ADGRL2: variants seen among roughly 807,000 people sequenced by gnomAD.
ADGRL2 encodes calcium-independent alpha-latrotoxin receptor 2.
ADGRL2 carries 44 observed loss-of-function variants against 157.4 expected under a neutral mutation model. The observed-to-expected ratio is 0.28, with a 90% CI of 0.22 to 0.36. ADGRL2 has a LOEUF of 0.36. ADGRL2 is among the 10% of genes least tolerant of loss of function. The probability of loss-of-function intolerance (pLI) is 1.00; values close to 1 mark genes in which losing one functional copy is unlikely to be tolerated. For missense variants in ADGRL2, 1,510 were observed against 1,768.9 expected, an observed-to-expected ratio of 0.85 and a Z score of 2.63; for synonymous variants, 585 against 624.7, an observed-to-expected ratio of 0.94 and a Z score of 0.95.
intron 16 of ADGRL2, among the ~76,000 whole-genome samples, chr1:81,971,605 C>T (rs1658767750): frequency 2.0e-5 from 3 of 152,106 alleles, no homozygotes; most frequent in Non-Finnish European, 2.9e-5. Flanking sequence ...TTATTGTCTT[C>T]CCCATACAAG....
intron 2 of ADGRL2, among the ~76,000 whole-genome samples, chr1:81,490,584 C>T (rs1185887740): frequency 6.6e-6 from 1 of 152,160 alleles, no homozygotes; most frequent in Non-Finnish European, 1.5e-5. Context: ...AGAAACTGCA[C>T]ATTAAAACTA....
chr1:81,655,129 GC>G (rs1424247297), intron 3 of ADGRL2, among the ~76,000 whole-genome samples: 1 of 152,128 alleles, frequency 6.6e-6, no homozygotes, highest in Non-Finnish European at 1.5e-5. Flanking sequence ...CTTCCAAGTG[GC>G]CAGGACTACG....
chr1:81,759,332 A>G (rs955935130), intron 1 of ADGRL2, among the ~76,000 whole-genome samples: 6 of 152,172 alleles, frequency 3.9e-5, no homozygotes, highest in Non-Finnish European at 7.4e-5. Flanking sequence ...CCAGAGAACT[A>G]TCACAACTTC....
At position 81,427,946 on chromosome 1, in the gene ADGRL2, C is replaced by T. The variant is rs80097710; in HGVS notation, c.-301-17090C>T. Among the ~76,000 whole-genome samples the T allele has an allele frequency of 5.7e-3, 865 of 151,960 alleles. 8 individuals are homozygous for T. Among genetic ancestry groups the T allele is most frequent in the East Asian group, 0.045 (231 of 5,144 alleles). On this transcript the variant is annotated intron_variant, in intron 1 of 24. Transcript: ENST00000370721. The stretch of plus-strand genomic sequence containing the variant: ...ATCAGGTATATTGCCCTGTAAATTG[C>T]GGTGGTGGTAACAGGAATAAAAAAT...
intron 2 of ADGRL2, among the ~76,000 whole-genome samples, chr1:81,501,114 AGGG>A (rs1256146407): frequency 4.6e-5 from 7 of 152,224 alleles, no homozygotes; most frequent in Non-Finnish European, 8.8e-5. Flanking sequence ...GCTAACTCGC[AGGG>A]GCAAAATTAC....
intron 1 of ADGRL2, among the ~76,000 whole-genome samples, chr1:81,400,880 G>A (rs2076741071): frequency 6.6e-6 from 1 of 152,134 alleles, no homozygotes; most frequent in Admixed American, 6.5e-5. Flanking sequence ...TCTTAGCTCA[G>A]CCAGGGCTCT....
At position 81,899,461 on chromosome 1, in the gene ADGRL2, C is replaced by T. The variant is rs142380614; in HGVS notation, c.74-7556C>T. On this transcript the variant is annotated intron_variant, in intron 2 of 23. Transcript: ENST00000686636. ...ATTTATTCCGATCAGTAGCCTAAAG[C>T]AGAGAGAGTTATATCTTGACATTTT... 2.9e-3 allele frequency among the ~76,000 whole-genome samples: 438 copies of T among 152,170 alleles called. 2 individuals are homozygous for T. The highest frequency in any genetic ancestry group is 9.9e-3 in the African/African-American group (412 of 41,506).
At chr1:81,639,884 A>C (rs1020080105) in intron 3 of ADGRL2, among the ~76,000 whole-genome samples, 1 of 152,174 alleles carries the variant, frequency 6.6e-6, no homozygotes, top group African/African-American at 2.4e-5. Flanking sequence ...TACTAACTAA[A>C]TAAGGAGGAA....
At chr1:81,802,225 C>A (rs577123249) in intron 1 of ADGRL2, among the ~76,000 whole-genome samples, 1 of 152,132 alleles carries the variant, frequency 6.6e-6, no homozygotes, top group African/African-American at 2.4e-5. Flanking sequence ...CGCTCGCAGA[C>A]GGAGGTAAGA....
chr1:81,951,061 C>A lies in ADGRL2; in HGVS notation c.1548C>A (p.Asn516Lys). 2 of 1,613,494 alleles carry A rather than the reference C, an allele frequency of 1.2e-6. No individual in the cohort carries two copies. Among genetic ancestry groups the A allele is most frequent in the East Asian group, 2.2e-5 (1 of 44,852 alleles). The change falls in exon 8 of 24, where the codon AAC becomes AAA. Residue 516 changes from asparagine (N) to lysine (K), a missense_variant. Asn to Lys is a moderately conservative substitution (Grantham distance 94, BLOSUM62 0). Transcript: ENST00000686636. ...GCATGATTTCCACTGGAACATGGAA[C>A]CCTAAGGGCCCCGATCTTAGCAACT... ...YLCMISTGTW[N>K]PKGPDLSNCT... is the part of the protein sequence containing the mutation.
chr1:81,429,159 C>T (rs1033955934), intron 1 of ADGRL2, among the ~76,000 whole-genome samples: 1 of 151,712 alleles, frequency 6.6e-6, no homozygotes, highest in South Asian at 2.1e-4. Context: ...TTTACAATGA[C>T]CCACTCTTGT....
At chr1:81,850,698 G>A (rs1393390375) in intron 2 of ADGRL2, among the ~76,000 whole-genome samples, 2 of 151,890 alleles carry the variant, frequency 1.3e-5, no homozygotes, top group African/African-American at 4.8e-5. Context: ...TAGCAACACA[G>A]TACAATACAG....
chr1:81,487,106 A>G (rs11487976), intron 2 of ADGRL2, among the ~76,000 whole-genome samples: 18 of 144,068 alleles, frequency 1.2e-4, no homozygotes, highest in African/African-American at 3.6e-4. Context: ...AAAAAAAAAA[A>G]AAAGAAAGTA....
intron 1 of ADGRL2, among the ~76,000 whole-genome samples, chr1:81,807,818 T>A (rs1351495234): frequency 6.6e-6 from 1 of 151,738 alleles, no homozygotes; most frequent in African/African-American, 2.4e-5. Flanking sequence ...CACGGTGTCA[T>A]GAGAAAAGGG....
chr1:81,428,789 GGAGAAACTTCGCTTGGTCAAATGA>G (rs2077267203), intron 1 of ADGRL2, among the ~76,000 whole-genome samples: 1 of 152,020 alleles, frequency 6.6e-6, no homozygotes, highest in African/African-American at 2.4e-5. Flanking sequence ...CATTTCTTCT[GGAGAAACTTCGCTTGGTCAAATGA>G]GAGAACTTCA....
chr1:81,401,122 C>T (rs983581497), intron 1 of ADGRL2, among the ~76,000 whole-genome samples: 4 of 152,264 alleles, frequency 2.6e-5, no homozygotes, highest in South Asian at 2.1e-4. Flanking sequence ...ATAGCTTCCT[C>T]GTGTCAGGGC....
chr1:81,775,260 G>A (rs758874620), intron 2 of ADGRL2, among the ~76,000 whole-genome samples: 1 of 152,010 alleles, frequency 6.6e-6, no homozygotes, highest in Admixed American at 6.6e-5. Context: ...AATATAAAAT[G>A]TCTCCAATGC....
chr1:81,819,859 C>T (rs2090805992), intron 1 of ADGRL2, among the ~76,000 whole-genome samples: 1 of 152,102 alleles, frequency 6.6e-6, no homozygotes, highest in Non-Finnish European at 1.5e-5. Context: ...TAGATACCAG[C>T]CTGCCCCTTT....
intron 2 of ADGRL2, among the ~76,000 whole-genome samples, chr1:81,478,177 A>C (rs1327962237): frequency 6.6e-6 from 1 of 152,122 alleles, no homozygotes; most frequent in Non-Finnish European, 1.5e-5. Context: ...AATAGGAGCA[A>C]GGGGCAGGAG....
Sources: allele counts gnomAD v4.1 joint callset (sites outside exome capture counted in the v4.1 genomes callset), GRCh38; gene constraint gnomAD v4.1.1; transcripts MANE v1.5; gene names NCBI Gene and HGNC (gene_info 2026-07-23, HGNC 2026-07-21).